The following PLSCR4 variants were observed in gnomAD, a reference collection of about 807,000 sequenced individuals.
PLSCR4 encodes the protein Ca(2+)-dependent phospholipid scramblase 4.
A neutral mutation model predicts 36.3 loss-of-function variants in PLSCR4; 25 were observed. That is an observed-to-expected ratio of 0.69 (90% CI 0.50 to 0.96). The LOEUF is 0.96. Among genes scored for constraint, PLSCR4 ranks in the 40% least tolerant of loss-of-function variants. The probability of loss-of-function intolerance (pLI) is 0.00; values close to 1 mark genes in which losing one functional copy is unlikely to be tolerated. For missense variants in PLSCR4, 408 were observed against 414.7 expected (o/e 0.98, Z 0.14); for synonymous variants, 122 against 132.9 (o/e 0.92, Z 0.56).
In PLSCR4 at chr3:146,201,083, G is replaced by T; in HGVS notation, c.355-6C>A. The T allele has an allele frequency of 6.5e-7, 1 of 1,533,424 alleles. No homozygotes were observed. 95.0% of individuals were successfully genotyped at this position (1,533,424 alleles called of 1,614,324 possible). A position where few individuals can be genotyped will look rare whatever the true frequency, so the allele number is the denominator to read the frequency against. ...AGAACATGTATGTTGTCCAACTGTT[G>T]GGATAAAACAAAGCAATCAGAAGAC... On this transcript the variant is annotated splice_polypyrimidine_tract_variant and splice_region_variant and intron_variant, in intron 4 of 8. Coordinates refer to ENST00000354952, the MANE Select transcript of PLSCR4 (RefSeq NM_020353.3).
At chr3:146,214,117 CTTTTTTTT>C (rs1300325064) in intron 3 of PLSCR4, among the ~76,000 whole-genome samples, 1 of 55,802 alleles carries the variant, frequency 1.8e-5, no homozygotes, top group Non-Finnish European at 4.3e-5. Flanking sequence ...TGATATCTTC[CTTTTTTTT>C]TTTTTTTTTT....
chr3:146,227,955 A>C (rs1264354709), intron 1 of PLSCR4, among the ~76,000 whole-genome samples: 1 of 152,230 alleles, frequency 6.6e-6, no homozygotes, highest in African/African-American at 2.4e-5. Flanking sequence ...GGAGAAAAGC[A>C]GAAGATTGTG....
chr3:146,241,853 G>A lies in PLSCR4; in HGVS notation c.-22+9107C>T, dbSNP rs189512826. Among the ~76,000 whole-genome samples the A allele has an allele frequency of 9.2e-5, 14 of 152,230 alleles. No homozygotes were observed. In the East Asian group the frequency reaches 2.1e-3, roughly 23 times the overall value. ...TGTAATGAGCTAGGAATTACTAACC[G>A]CAAGATAACAGGAAATTCTCTAACC... On this transcript the variant is annotated intron_variant, in intron 1 of 8. Transcript: ENST00000354952.
In PLSCR4 at chr3:146,222,068, A is replaced by C; in HGVS notation, c.4T>G (p.Ser2Ala). The change falls in exon 2 of 9, where the codon TCA (serine) becomes GCA (alanine). Residue 2 changes from serine (S) to alanine (A), a missense_variant. Transcript: ENST00000354952. M[S>A]GVVPTAPEQP... ...AAATTTATTCACAAAAACTTACCTGACATTTTGAAGAATTCCAATTAATCC... is the reference window on the plus strand; with the variant it reads ...AAATTTATTCACAAAAACTTACCTGCCATTTTGAAGAATTCCAATTAATCC... The C allele has an allele frequency of 8.2e-7, 1 of 1,222,810 alleles. No homozygotes were observed. The highest frequency in any genetic ancestry group is 1.1e-6 in the Non-Finnish European group (1 of 890,858). 75.7% of individuals were successfully genotyped at this position (1,222,810 alleles called of 1,614,324 possible).
intron 1 of PLSCR4, among the ~76,000 whole-genome samples, chr3:146,230,893 T>G (rs934069195): frequency 3.9e-5 from 6 of 152,106 alleles, no homozygotes; most frequent in Non-Finnish European, 8.8e-5. Flanking sequence ...AGGTTCAGGG[T>G]GAACAAGTGC....
At chr3:146,211,731 G>A (rs1026153896) in intron 3 of PLSCR4, among the ~76,000 whole-genome samples, 3 of 152,060 alleles carry the variant, frequency 2.0e-5, no homozygotes, top group African/African-American at 7.2e-5. Context: ...TAGAGTTTTT[G>A]TGTTTAGGGT....
At chr3:146,244,345 G>A (rs558576607) in intron 1 of PLSCR4, among the ~76,000 whole-genome samples, 95 of 151,834 alleles carry the variant, frequency 6.3e-4, no homozygotes, top group Non-Finnish European at 1.0e-3. Flanking sequence ...GTACATGCAT[G>A]CCTTGTTTTA....
intron 1 of PLSCR4, among the ~76,000 whole-genome samples, chr3:146,224,814 C>A (rs192650804): frequency 6.6e-6 from 1 of 151,316 alleles, no homozygotes; most frequent in Non-Finnish European, 1.5e-5. Flanking sequence ...ACAATCCCTG[C>A]GCTAGATACA....
chr3:146,198,002 T>C (rs2033840135), intron 6 of PLSCR4, among the ~76,000 whole-genome samples: 1 of 152,086 alleles, frequency 6.6e-6, no homozygotes, highest in South Asian at 2.1e-4. Flanking sequence ...TACTCAGCCA[T>C]AAAAGGGAAT....
Position 146,237,891 on chromosome 3 carries a change from C to A in PLSCR4, c.-22+13069G>T, listed in dbSNP as rs191952376. On this transcript the variant is annotated intron_variant, in intron 1 of 8. Transcript: ENST00000354952. Reference sequence around the variant, plus strand: ...TAAAATAGAGAATAAAAAAGAAAATCAAAAAAGCTAAAAATTGTTGCTTTG... The same window carrying A: ...TAAAATAGAGAATAAAAAAGAAAATAAAAAAAGCTAAAAATTGTTGCTTTG... Among the ~76,000 whole-genome samples, 382 of 151,212 alleles carry A rather than the reference C, an allele frequency of 2.5e-3. 1 individual carries two copies. Among genetic ancestry groups the A allele is most frequent in the Middle Eastern group, 6.8e-3 (2 of 294 alleles).
chr3:146,234,708 A>G (rs893616531), intron 1 of PLSCR4, among the ~76,000 whole-genome samples: 2 of 152,198 alleles, frequency 1.3e-5, no homozygotes, highest in African/African-American at 4.8e-5. Flanking sequence ...ATCATGGAGA[A>G]GATGCAGCTT....
At position 146,196,804 on chromosome 3, in the gene PLSCR4, AAC is replaced by A. The variant is rs1559896500; in HGVS notation, c.625-13_625-12del. The A allele has an allele frequency of 1.2e-6, 2 of 1,613,184 alleles. No individual in the cohort carries two copies. Among genetic ancestry groups the A allele is most frequent in the East Asian group, 2.2e-5 (1 of 44,870 alleles). ...ACACTGCACCTCCAGCTGCAAACAA[AAC>A]AGTGACAGAAGTTAGGATGCTACAT... is the stretch of plus-strand genomic sequence containing the variant. On this transcript the variant is annotated splice_polypyrimidine_tract_variant and intron_variant, in intron 6 of 8. Transcript: ENST00000354952.
chr3:146,196,781 A>C lies in PLSCR4; in HGVS notation c.637T>G (p.Cys213Gly). The C allele has an allele frequency of 6.2e-7, 1 of 1,613,792 alleles. No individual in the cohort carries two copies. Residue 213 changes from cysteine (C) to glycine (G), a missense_variant, in exon 7 of 9, where the codon TGT becomes GGT. By Grantham distance (159) the Cys-to-Gly change is radical. Coordinates refer to ENST00000354952, the MANE Select transcript of PLSCR4 (RefSeq NM_020353.3). ...AAGCCAATGGTGACACCAGGAGGAC[A>C]CTGCACCTCCAGCTGCAAACAAAAC... ...PSARQELEVQ[C>G]PPGVTIGFVA...
intron 1 of PLSCR4, among the ~76,000 whole-genome samples, chr3:146,239,586 T>C (rs2036062527): frequency 6.6e-6 from 1 of 151,442 alleles, no homozygotes; most frequent in African/African-American, 2.4e-5. Context: ...CAAAGTATAT[T>C]ATAAACTTAA....
At chr3:146,231,368 TATGTACCCAGTG>T (rs2035705248) in intron 1 of PLSCR4, among the ~76,000 whole-genome samples, 1 of 152,308 alleles carries the variant, frequency 6.6e-6, no homozygotes, top group African/African-American at 2.4e-5. Flanking sequence ...TTCCTTTTGG[TATGTACCCAGTG>T]ATGGGACTTC....
At chr3:146,194,987 T>C (rs2033638331) in intron 8 of PLSCR4, 137 bp downstream of exon 8, 1 of 670,658 alleles carries the variant, frequency 1.5e-6, no homozygotes, top group African/African-American at 1.8e-5. Context: ...GTGTAAACAC[T>C]TTCTAAACCA....
intron 6 of PLSCR4, among the ~76,000 whole-genome samples, chr3:146,198,576 T>C (rs1176092138): frequency 6.6e-6 from 1 of 152,010 alleles, no homozygotes; most frequent in Non-Finnish European, 1.5e-5. Flanking sequence ...AATTTTTTTA[T>C]TTTTTATTTT....
intron 3 of PLSCR4, among the ~76,000 whole-genome samples, chr3:146,208,369 G>C (rs991337794): frequency 6.6e-6 from 1 of 152,012 alleles, no homozygotes; most frequent in African/African-American, 2.4e-5. Context: ...TATTGGCTTA[G>C]GCAAAGACTT....
chr3:146,198,426 G>A (rs896136790), intron 6 of PLSCR4, among the ~76,000 whole-genome samples: 34 of 151,920 alleles, frequency 2.2e-4, no homozygotes, highest in African/African-American at 8.2e-4. Context: ...TAGGAGTAAG[G>A]GTCTTTCTCT....
Sources: allele counts gnomAD v4.1 joint callset (sites outside exome capture counted in the v4.1 genomes callset), GRCh38; gene constraint gnomAD v4.1.1; transcripts MANE v1.5; gene names NCBI Gene and HGNC (gene_info 2026-07-23, HGNC 2026-07-21).